Variants in SMARCA2 observed in about 807,000 individuals in gnomAD.
The protein encoded by SMARCA2 is SWI/SNF-related matrix-associated actin-dependent regulator of chromatin subfamily A member 2.
A neutral mutation model predicts 199.8 loss-of-function variants in SMARCA2; 61 were observed. The ratio of observed to expected loss-of-function variants is 0.31; its 90% confidence interval spans 0.25 to 0.38. The LOEUF is 0.38. Among genes scored for constraint, SMARCA2 ranks in the 10% least tolerant of loss-of-function variants. The pLI, the probability that SMARCA2 is intolerant of heterozygous loss-of-function variation, is 1.00. For missense variants in SMARCA2, 1,344 were observed against 2,012.2 expected (o/e 0.67, Z 6.35); for synonymous variants, 935 against 732.0 (o/e 1.28, Z -4.48).
chr9:2,114,830 C>T (rs547805028), intron 24 of SMARCA2, among the ~76,000 whole-genome samples: 7 of 152,166 alleles, frequency 4.6e-5, no homozygotes, highest in South Asian at 2.1e-4. Context: ...TGGAGATTTA[C>T]GTTGTTGGCA....
At chr9:2,184,075 C>A (rs1827250842) in intron 31 of SMARCA2, among the ~76,000 whole-genome samples, 1 of 152,120 alleles carries the variant, frequency 6.6e-6, no homozygotes, top group South Asian at 2.1e-4. Flanking sequence ...CTCTTCCCAA[C>A]CTTTGAGGTT....
rs1819907283 is a variant in SMARCA2 at position 2,047,352 on chromosome 9, C to T, written c.914C>T (p.Pro305Leu). Residue 305 changes from proline (P) to leucine (L), a missense_variant, in exon 5 of 34, where the codon CCC becomes CTC. By Grantham distance (98) the Pro-to-Leu change is moderately conservative. Transcript: ENST00000349721. ...AQPPAAAVPG[P>L]SVPQPAPGQP... ...CCGCCCGCGGCCGCAGTGCCCGGGC[C>T]CTCAGTGCCGCAGCCGGCCCCGGGG... 6.8e-7 allele frequency: 1 copy of T among 1,464,206 alleles called. No individual in the cohort carries two copies. The highest frequency in any genetic ancestry group is 9.1e-7 in the Non-Finnish European group (1 of 1,101,172). The allele number at this position is 1,464,206 out of a possible 1,614,324, so 90.7% of individuals were successfully genotyped here.
rs1820357002 is a variant in SMARCA2 at position 2,056,408 on chromosome 9, TC to T, written c.1174-263del. On this transcript the variant is annotated intron_variant, in intron 6 of 33. Transcript: ENST00000349721. This position sits in a 1 kb window ranked among gnomAD's most constrained non-coding sequence, Gnocchi z 4.0. Reference sequence around the variant, plus strand: ...AAGTTATTTAAAAGGCAAGACAACATCTTTTCTTTCTTTTACTGTTACAGTA... The same window carrying T: ...AAGTTATTTAAAAGGCAAGACAACATTTTTCTTTCTTTTACTGTTACAGTA... Among the ~76,000 whole-genome samples the T allele has an allele frequency of 6.6e-6, 1 of 152,148 alleles. No homozygotes were observed. The highest frequency in any genetic ancestry group is 1.5e-5 in the Non-Finnish European group (1 of 68,020).
At chr9:2,167,249 C>T (rs965693904) in intron 28 of SMARCA2, among the ~76,000 whole-genome samples, 5 of 152,244 alleles carry the variant, frequency 3.3e-5, no homozygotes, top group African/African-American at 4.8e-5. Flanking sequence ...TTTCTATCAA[C>T]TCTCTTATCA....
chr9:2,174,595 A>G lies in SMARCA2; in HGVS notation c.4253+4123A>G, dbSNP rs189404764. ...TTTTTAATTTGGTCGCAATTCAGCCAAAAGCTTTGAAGCATTTTACCATTA... is the reference window on the plus strand; with the variant it reads ...TTTTTAATTTGGTCGCAATTCAGCCGAAAGCTTTGAAGCATTTTACCATTA... On this transcript the variant is annotated intron_variant, in intron 29 of 33. Coordinates refer to ENST00000349721, the MANE Select transcript of SMARCA2 (RefSeq NM_003070.5). Among the ~76,000 whole-genome samples, 9 of 152,276 alleles carry G rather than the reference A, an allele frequency of 5.9e-5. No homozygotes were observed. In the East Asian group the frequency reaches 1.7e-3, roughly 29 times the overall value.
At chr9:2,073,872 A>G (rs1821196180) in intron 12 of SMARCA2, among the ~76,000 whole-genome samples, 1 of 152,168 alleles carries the variant, frequency 6.6e-6, no homozygotes, top group African/African-American at 2.4e-5. Flanking sequence ...AAACCAAGAG[A>G]AGAGAAGCTG....
At chr9:2,145,790 C>G (rs1824712288) in intron 27 of SMARCA2, among the ~76,000 whole-genome samples, 1 of 152,000 alleles carries the variant, frequency 6.6e-6, no homozygotes, top group Non-Finnish European at 1.5e-5. Context: ...GTGCTATGTA[C>G]TCTAGGGGAA....
chr9:2,047,535 G>A (rs543953341), intron 5 of SMARCA2, 51 bp downstream of exon 5: 4 of 1,258,206 alleles, frequency 3.2e-6, no homozygotes, highest in Non-Finnish European at 2.0e-6. Context: ...AGCACCTGCC[G>A]CCCAAGCCGA....
rs1314729940 is a variant in SMARCA2, at chr9:2,116,003, G to A, written c.3638G>A (p.Arg1213Gln). The change falls in exon 25 of 34, where the codon CGG (arginine) becomes CAG (glutamine). Residue 1213 changes from arginine (R) to glutamine (Q), a missense_variant. Physicochemically the swap from Arg to Gln is conservative, Grantham distance 43 (BLOSUM62 1). Transcript: ENST00000349721. ...GACCAAAAGTCTTCAAGCCACGAGC[G>A]GAGGGCATTCCTGCAGGCCATCTTG... ...MFDQKSSSHE[R>Q]RAFLQAILEH... The A allele has an allele frequency of 6.2e-7, 1 of 1,614,018 alleles. No individual in the cohort carries two copies. The highest frequency in any genetic ancestry group is 1.3e-5 in the African/African-American group (1 of 74,910).
At chr9:2,159,737 T>G in intron 27 of SMARCA2, 5 of 1,529,632 alleles carry the variant, frequency 3.3e-6, no homozygotes, top group Non-Finnish European at 4.4e-6. Flanking sequence ...CCTTTCAGTA[T>G]TAAATTTTCA....
intron 12 of SMARCA2, among the ~76,000 whole-genome samples, chr9:2,075,817 C>T (rs111308926): frequency 6.6e-6 from 1 of 152,244 alleles, no homozygotes; most frequent in Non-Finnish European, 1.5e-5. Context: ...GCCACTGCAC[C>T]CAGCCATCAG....
chr9:2,053,816 T>G (rs1217659398), intron 5 of SMARCA2, among the ~76,000 whole-genome samples: 2 of 152,154 alleles, frequency 1.3e-5, no homozygotes, highest in Admixed American at 6.5e-5. Flanking sequence ...GTATCCCAAG[T>G]GAATGGCTAA....
intron 19 of SMARCA2, among the ~76,000 whole-genome samples, chr9:2,095,087 A>G (rs916038696): frequency 6.7e-6 from 1 of 150,196 alleles, no homozygotes; most frequent in East Asian, 1.9e-4. Flanking sequence ...AAAAAATTAG[A>G]ATTTTTTTTT....
intron 26 of SMARCA2, among the ~76,000 whole-genome samples, chr9:2,121,332 C>T (rs1823450899): frequency 6.6e-6 from 1 of 152,198 alleles, no homozygotes; most frequent in Non-Finnish European, 1.5e-5. Flanking sequence ...GGCTAGGGAA[C>T]ACTTTTTGTA....
Position 2,193,172 on chromosome 9 carries a change from G to C in SMARCA2, c.*433G>C, listed in dbSNP as rs1242551250. ...TTATTTTTCATCAGGCAATTTTCGA[G>C]GTTTTTATTTGTTCGGTATTGTTTT... On this transcript the variant is annotated 3_prime_UTR_variant, in exon 34 of 34. Coordinates refer to ENST00000349721, the MANE Select transcript of SMARCA2 (RefSeq NM_003070.5). 1 of 158,986 alleles carries C rather than the reference G, an allele frequency of 6.3e-6. No individual in the cohort carries two copies. The highest frequency in any genetic ancestry group is 1.4e-5 in the Non-Finnish European group (1 of 72,626). The allele number at this position is 158,986 out of a possible 1,614,324, so 9.8% of individuals were successfully genotyped here.
chr9:2,160,155 C>G (rs1825586919), intron 27 of SMARCA2: 2 of 508,248 alleles, frequency 3.9e-6, no homozygotes, highest in Admixed American at 6.9e-5. Flanking sequence ...GTGTGTTTAG[C>G]TGTATAGTGG....
At chr9:2,138,610 T>A (rs1473022263) in intron 27 of SMARCA2, among the ~76,000 whole-genome samples, 1 of 152,218 alleles carries the variant, frequency 6.6e-6, no homozygotes, top group Non-Finnish European at 1.5e-5. Flanking sequence ...TGATAACTTA[T>A]GAAAGATGGG....
At chr9:2,126,341 A>C (rs1427484363) in intron 27 of SMARCA2, among the ~76,000 whole-genome samples, 1 of 152,244 alleles carries the variant, frequency 6.6e-6, no homozygotes, top group Non-Finnish European at 1.5e-5. Context: ...TGAAAACTGC[A>C]TGCCCGTATT....
Position 2,039,633 on chromosome 9 carries a change from A to G in SMARCA2, c.523A>G (p.Ser175Gly). 6.2e-7 allele frequency: 1 copy of G among 1,614,170 alleles called. No homozygotes were observed. Among genetic ancestry groups the G allele is most frequent in the Non-Finnish European group, 8.5e-7 (1 of 1,180,034 alleles). Residue 175 changes from serine to glycine, a missense_variant, in exon 4 of 34, where the codon AGT (serine) becomes GGT (glycine). This residue lies in a region of SMARCA2 where 275 missense variants were observed against 247.5 expected (regional missense o/e 1.11). Coordinates refer to ENST00000349721, the MANE Select transcript of SMARCA2 (RefSeq NM_003070.5). This position sits in a 1 kb window ranked among gnomAD's most constrained non-coding sequence, Gnocchi z 4.8. ...GCCCAACAGAGGTCCCTCACCTTTCAGTCCTGTCCAGCTGCATCAGCTTCG... is the reference window on the plus strand; with the variant it reads ...GCCCAACAGAGGTCCCTCACCTTTCGGTCCTGTCCAGCTGCATCAGCTTCG... ...SQPNRGPSPF[S>G]PVQLHQLRAQ...
Sources: gnomAD v4.1 joint callset for allele counts (sites outside exome capture counted in the v4.1 genomes callset) on GRCh38, gnomAD v4.1.1 for gene constraint, gnomAD v4.1.1 regional missense constraint, Gnocchi (gnomAD v3.1) non-coding constraint, MANE v1.5 for transcripts, NCBI Gene and HGNC (gene_info 2026-07-23, HGNC 2026-07-21) for gene names.